The following RCSD1 variants were observed in gnomAD, a reference collection of about 807,000 sequenced individuals.
RCSD1 encodes capZ-interacting protein.
Under a neutral mutation model 42.5 loss-of-function variants are expected in RCSD1, and 26 were observed. That is an observed-to-expected ratio of 0.61 (90% confidence interval 0.45 to 0.85). The LOEUF is 0.85. RCSD1 is among the 40% of genes least tolerant of loss of function. The pLI is 0.00. For synonymous variants in RCSD1, 220 were observed against 212.2 expected, an observed-to-expected ratio of 1.04 and a Z score of -0.32; for missense variants, 571 against 528.3, an observed-to-expected ratio of 1.08 and a Z score of -0.79.
intron 1 of RCSD1, among the ~76,000 whole-genome samples, chr1:167,659,528 T>C (rs899784578): frequency 6.6e-6 from 1 of 152,184 alleles, no homozygotes; most frequent in African/African-American, 2.4e-5. Context: ...ATCCTATGTT[T>C]CAACTAAGTA....
At chr1:167,644,038 G>T (rs1658068896) in intron 1 of RCSD1, among the ~76,000 whole-genome samples, 1 of 152,110 alleles carries the variant, frequency 6.6e-6, no homozygotes, top group Non-Finnish European at 1.5e-5. Context: ...CTGGGTCTTG[G>T]GGGCAATGCT....
chr1:167,654,555 T>A (rs1431682243), intron 1 of RCSD1, among the ~76,000 whole-genome samples: 1 of 152,194 alleles, frequency 6.6e-6, no homozygotes, highest in Admixed American at 6.5e-5. Context: ...CATAGTGCTG[T>A]GTTAGCCTCC....
intron 1 of RCSD1, among the ~76,000 whole-genome samples, chr1:167,660,224 C>T (rs1303833045): frequency 6.6e-6 from 1 of 152,148 alleles, no homozygotes; most frequent in Non-Finnish European, 1.5e-5. Flanking sequence ...GCCCCTGATG[C>T]TTACAGAGGT....
chr1:167,646,547 G>A (rs1571674603), intron 1 of RCSD1, among the ~76,000 whole-genome samples: 2 of 150,844 alleles, frequency 1.3e-5, no homozygotes, highest in Admixed American at 1.3e-4. Flanking sequence ...ATTACTTTAA[G>A]TTCCGGGATA....
chr1:167,690,909 C>T (rs551699702), intron 4 of RCSD1, among the ~76,000 whole-genome samples: 2 of 152,280 alleles, frequency 1.3e-5, no homozygotes, highest in African/African-American at 4.8e-5. Flanking sequence ...AGAGCCCTCA[C>T]CTCCCGTGCC....
intron 1 of RCSD1, among the ~76,000 whole-genome samples, chr1:167,680,404 GGGA>G (rs367846137): frequency 4.0e-5 from 6 of 151,810 alleles, no homozygotes; most frequent in South Asian, 2.1e-4. Context: ...CAGGTCGGAT[GGGA>G]GGAGGAGGAG....
chr1:167,644,603 C>G (rs1333458281), intron 1 of RCSD1, among the ~76,000 whole-genome samples: 3 of 152,116 alleles, frequency 2.0e-5, no homozygotes, highest in Non-Finnish European at 2.9e-5. Context: ...CCAGGTAGAT[C>G]AATGAAACGA....
chr1:167,632,241 G>C (rs933146390), intron 1 of RCSD1, among the ~76,000 whole-genome samples: 1 of 152,234 alleles, frequency 6.6e-6, no homozygotes, highest in Non-Finnish European at 1.5e-5. Context: ...CCCTCTTCTG[G>C]AAGTGTACAA....
intron 1 of RCSD1, among the ~76,000 whole-genome samples, chr1:167,653,713 G>A (rs1455027718): frequency 6.6e-6 from 1 of 152,218 alleles, no homozygotes; most frequent in Non-Finnish European, 1.5e-5. Context: ...CTATGAGAGA[G>A]AATTGCATGG....
At chr1:167,693,565 A>G (rs1188053013) in intron 4 of RCSD1, among the ~76,000 whole-genome samples, 1 of 152,200 alleles carries the variant, frequency 6.6e-6, no homozygotes, top group Non-Finnish European at 1.5e-5. Context: ...CTGGAGGCTG[A>G]GGGAGAATCA....
At chr1:167,690,575 G>A (rs557346161) in intron 4 of RCSD1, among the ~76,000 whole-genome samples, 9 of 152,138 alleles carry the variant, frequency 5.9e-5, no homozygotes, top group East Asian at 5.8e-4. Context: ...TCTGAAGACC[G>A]AGGTGAGAGG....
intron 1 of RCSD1, among the ~76,000 whole-genome samples, chr1:167,640,874 G>A (rs981077119): frequency 6.6e-6 from 1 of 151,980 alleles, no homozygotes; most frequent in South Asian, 2.1e-4. Context: ...ACTTTTAGGG[G>A]GTCACCATTC....
chr1:167,660,007 G>A (rs144621021), intron 1 of RCSD1, among the ~76,000 whole-genome samples: 137 of 152,278 alleles, frequency 9.0e-4, no homozygotes, highest in Admixed American at 4.2e-3. Context: ...TGGTTTGCAC[G>A]TAAGAATTCA....
At chr1:167,681,101 C>T (rs1204264304) in intron 1 of RCSD1, among the ~76,000 whole-genome samples, 7 of 152,244 alleles carry the variant, frequency 4.6e-5, no homozygotes, top group Non-Finnish European at 7.3e-5. Flanking sequence ...CCCAAGACCA[C>T]ACTTCTTCCA....
rs367989348 is a variant in RCSD1, at chr1:167,690,110, A to T, written c.260A>T (p.Glu87Val). The T allele has an allele frequency of 3.7e-6, 6 of 1,614,104 alleles. No individual in the cohort carries two copies. Among genetic ancestry groups the T allele is most frequent in the Non-Finnish European group, 4.2e-6 (5 of 1,179,972 alleles). ...AAGGTCAAGAGCTCGCCTCTGATTG[A>T]GAAGCTTCAGGTAAGTGCAGAATTC... is the stretch of plus-strand genomic sequence containing the variant. ...KFKVKSSPLI[E>V]KLQANLTFDP... Residue 87 changes from glutamate to valine, a missense_variant, in exon 4 of 7, where the codon GAG becomes GTG. Physicochemically the swap from Glu to Val is moderately radical, Grantham distance 121. Transcript: ENST00000367854.
chr1:167,664,033 G>A (rs41270726), intron 1 of RCSD1: 1 of 152,190 alleles, frequency 6.6e-6, no homozygotes, highest in Non-Finnish European at 1.5e-5. Flanking sequence ...GCAAGGTCTG[G>A]ATGTGAACCC....
intron 1 of RCSD1, among the ~76,000 whole-genome samples, chr1:167,656,848 G>A (rs925981569): frequency 2.6e-5 from 4 of 152,220 alleles, no homozygotes; most frequent in Non-Finnish European, 4.4e-5. Context: ...TCTAAAGGGG[G>A]TCATTGCTCC....
At chr1:167,681,375 C>T (rs977386298) in intron 1 of RCSD1, among the ~76,000 whole-genome samples, 9 of 152,276 alleles carry the variant, frequency 5.9e-5, no homozygotes, top group Admixed American at 2.0e-4. Context: ...TGGGAAGTGT[C>T]TGGAGAGGGG....
intron 1 of RCSD1, among the ~76,000 whole-genome samples, chr1:167,643,229 A>G (rs1384736113): frequency 6.6e-6 from 1 of 152,214 alleles, no homozygotes; most frequent in Non-Finnish European, 1.5e-5. Context: ...GATATTGTGA[A>G]AAATTGTAAC....
Sources: allele counts gnomAD v4.1 joint callset (sites outside exome capture counted in the v4.1 genomes callset), GRCh38; gene constraint gnomAD v4.1.1; transcripts MANE v1.5; gene names NCBI Gene and HGNC (gene_info 2026-07-23, HGNC 2026-07-21).